Variants in YLPM1 observed in about 807,000 individuals in gnomAD.
YLPM1 encodes the protein YLP motif containing 1.
YLPM1 carries 99 observed loss-of-function variants against 230.0 expected under a neutral mutation model. The observed-to-expected ratio is 0.43, with a 90% CI of 0.37 to 0.51. The LOEUF is 0.51. YLPM1 is among the 20% of genes least tolerant of loss of function. YLPM1 has a pLI of 0.00. For synonymous variants in YLPM1, 984 were observed against 942.5 expected, an observed-to-expected ratio of 1.04 and a Z score of -0.81; for missense variants, 2,592 against 2,707.7, an observed-to-expected ratio of 0.96 and a Z score of 0.95.
intron 6 of YLPM1, among the ~76,000 whole-genome samples, chr14:74,805,704 C>CTT (rs571630763): frequency 7.7e-4 from 103 of 134,554 alleles, no homozygotes; most frequent in South Asian, 5.0e-3. Context: ...AATAAGCATA[C>CTT]TTTTTTTTTT....
chr14:74,798,810 A>G lies in YLPM1; in HGVS notation c.3513A>G (p.Pro1171=). Residue 1171 remains proline, a synonymous_variant, in exon 5 of 21, where the codon CCA becomes CCG. Transcript: ENST00000325680. ...GTCGTGATAGAGGTCCATTCAGACCAGAACCAGGAGATGGTGGGGAAAAAA... is the reference window on the plus strand; with the variant it reads ...GTCGTGATAGAGGTCCATTCAGACCGGAACCAGGAGATGGTGGGGAAAAAA... ...DFGRDRGPFR[P]EPGDGGEKMY... is the part of the protein sequence containing the mutation. 1.2e-6 allele frequency: 2 copies of G among 1,614,006 alleles called. No homozygotes were observed. Among genetic ancestry groups the G allele is most frequent in the South Asian group, 2.2e-5 (2 of 91,086 alleles).
intron 19 of YLPM1, among the ~76,000 whole-genome samples, chr14:74,831,073 A>T (rs59187510): frequency 0.15 from 22,316 of 152,226 alleles, 1,788 homozygotes; most frequent in South Asian, 0.3. Flanking sequence ...GCAGTGCTGT[A>T]ATCAAACTCT....
chr14:74,816,105 T>G, intron 11 of YLPM1, 98 bp from the exon 12 acceptor site: 1 of 1,098,920 alleles, frequency 9.1e-7, no homozygotes, highest in Non-Finnish European at 1.3e-6. Context: ...TGTTGTATAG[T>G]CTATCCTGGA....
chr14:74,825,313 T>A (rs2091553241), intron 18 of YLPM1, among the ~76,000 whole-genome samples: 1 of 152,172 alleles, frequency 6.6e-6, no homozygotes, highest in Non-Finnish European at 1.5e-5. Flanking sequence ...GTAGTTGGTA[T>A]TGACTAGGTT....
chr14:74,830,242 G>T (rs1008793006), intron 19 of YLPM1, among the ~76,000 whole-genome samples: 36 of 152,292 alleles, frequency 2.4e-4, no homozygotes, highest in Admixed American at 2.2e-3. Flanking sequence ...GAATGAATAA[G>T]AAATGATGAA....
chr14:74,804,281 A>G (rs1291808593), intron 6 of YLPM1, among the ~76,000 whole-genome samples: 1 of 152,240 alleles, frequency 6.6e-6, no homozygotes, highest in African/African-American at 2.4e-5. Context: ...CCAGATGGAC[A>G]TTTTAAAACA....
rs1390896015 is a variant in YLPM1 at position 74,836,977 on chromosome 14, T to C, written c.*1239T>C. The C allele has an allele frequency of 6.6e-6, 1 of 152,270 alleles. No homozygotes were observed. Among genetic ancestry groups the C allele is most frequent in the East Asian group, 1.9e-4 (1 of 5,206 alleles). 9.4% of individuals were successfully genotyped at this position (152,270 alleles called of 1,614,324 possible). On this transcript the variant is annotated 3_prime_UTR_variant, in exon 21 of 21. Coordinates refer to ENST00000325680, the MANE Select transcript of YLPM1 (RefSeq NM_019589.3). ...TTCCTCAAGCATAATTTGCATTTTGTAATCCAACTCAGTAATTTGTAAATG... is the reference window on the plus strand; with the variant it reads ...TTCCTCAAGCATAATTTGCATTTTGCAATCCAACTCAGTAATTTGTAAATG...
chr14:74,802,710 G>A, intron 6 of YLPM1, 34 bp downstream of exon 6: 1 of 1,560,264 alleles, frequency 6.4e-7, no homozygotes. Flanking sequence ...AAATGAAATG[G>A]TTTCTACTTT....
At chr14:74,823,765 C>T (rs766529589) in intron 17 of YLPM1, among the ~76,000 whole-genome samples, 14 of 151,990 alleles carry the variant, frequency 9.2e-5, no homozygotes, top group Non-Finnish European at 1.5e-4. Context: ...CAATTCTTTT[C>T]CTTTCTTTTG....
At chr14:74,831,429 C>T (rs910141903) in intron 19 of YLPM1, among the ~76,000 whole-genome samples, 1 of 152,236 alleles carries the variant, frequency 6.6e-6, no homozygotes, top group African/African-American at 2.4e-5. Context: ...CTGGAGCCAA[C>T]AGAGGCAGAA....
At chr14:74,770,069 C>G (rs946278575) in intron 1 of YLPM1, among the ~76,000 whole-genome samples, 20 of 151,680 alleles carry the variant, frequency 1.3e-4, no homozygotes, top group Non-Finnish European at 2.7e-4. Flanking sequence ...GTAGTCCCAA[C>G]TTCTCAGGAA....
At position 74,797,800 on chromosome 14, in the gene YLPM1, C is replaced by T. The variant is rs1298526126; in HGVS notation, c.2503C>T (p.Pro835Ser). ...STSLSPRQSG[P>S]QWKGPKPAFG... ...ATCCCTAAGTCCTCGACAGAGTGGA[C>T]CACAGTGGAAAGGCCCCAAACCAGC... The change falls in exon 5 of 21, where the codon CCA (proline) becomes TCA (serine). Residue 835 changes from proline (P) to serine (S), a missense_variant. By Grantham distance (74) the Pro-to-Ser change is moderately conservative. This residue lies in a region of YLPM1 where 1,862 missense variants were observed against 1,819.8 expected (regional missense o/e 1.02). Coordinates refer to ENST00000325680, the MANE Select transcript of YLPM1 (RefSeq NM_019589.3). 6.2e-7 allele frequency: 1 copy of T among 1,613,900 alleles called. No homozygotes were observed. Among genetic ancestry groups the T allele is most frequent in the Admixed American group, 1.7e-5 (1 of 60,012 alleles).
chr14:74,803,557 G>A (rs1284997205), intron 6 of YLPM1, among the ~76,000 whole-genome samples: 2 of 152,110 alleles, frequency 1.3e-5, no homozygotes, highest in Non-Finnish European at 2.9e-5. Flanking sequence ...TCCCCAGATC[G>A]GATCTCCTGA....
Position 74,781,829 on chromosome 14 carries a change from C to T in YLPM1, c.1786C>T (p.Leu596=), listed in dbSNP as rs751179066. 1.1e-5 allele frequency: 17 copies of T among 1,612,088 alleles called. No homozygotes were observed. The highest frequency in any genetic ancestry group is 1.4e-5 in the Non-Finnish European group (17 of 1,179,096). The change falls in exon 4 of 21, where the codon CTG becomes TTG. Residue 596 remains leucine, a synonymous_variant. Transcript: ENST00000325680. ...ACCACCAGTTCTCCCCCCACCTTCC[C>T]TGTCTTCTGCAGGGCCACCACCAGT... ...GPPPVLPPPS[L]SSAGPPPVLP... is the part of the protein sequence containing the mutation.
rs748932230 is a variant in YLPM1 at position 74,781,781 on chromosome 14, CCTT to C, written c.1741_1743del (p.Ser581del). The C allele has an allele frequency of 3.0e-5, 49 of 1,612,634 alleles. No individual in the cohort carries two copies. Among genetic ancestry groups the C allele is most frequent in the Middle Eastern group, 1.6e-4 (1 of 6,080 alleles). On this transcript the variant is annotated inframe_deletion, in exon 4 of 21. Transcript: ENST00000325680. Reference sequence around the variant, plus strand: ...CTCTGTTCCCCCACCAGGGATGCCTCCTTCTCTCTCTTCTGCAGGGCCACCACC... The same window carrying C: ...CTCTGTTCCCCCACCAGGGATGCCTCCTCTCTCTTCTGCAGGGCCACCACC...
chr14:74,822,066 C>G (rs966880251), intron 17 of YLPM1: 4 of 152,038 alleles, frequency 2.6e-5, no homozygotes, highest in Admixed American at 6.6e-5. Flanking sequence ...GTGTCAACCT[C>G]TACATTCCAA....
At chr14:74,826,029 A>T (rs972492997) in intron 18 of YLPM1, among the ~76,000 whole-genome samples, 6 of 152,246 alleles carry the variant, frequency 3.9e-5, no homozygotes, top group Non-Finnish European at 8.8e-5. Context: ...ATAGTAGACA[A>T]TGAATTCCAG....
At chr14:74,819,681 G>T (rs373471793) in intron 16 of YLPM1, among the ~76,000 whole-genome samples, 3 of 152,026 alleles carry the variant, frequency 2.0e-5, no homozygotes, top group African/African-American at 7.3e-5. Context: ...AATGATTTCC[G>T]TGGCAGTGGA....
chr14:74,780,292 G>A, intron 2 of YLPM1, 113 bp from the exon 3 acceptor site: 1 of 1,318,254 alleles, frequency 7.6e-7, no homozygotes, highest in Non-Finnish European at 1.0e-6. Context: ...TACTGTGTTT[G>A]ACAGTTGGAT....
Sources: gnomAD v4.1 joint callset for allele counts (sites outside exome capture counted in the v4.1 genomes callset) on GRCh38, gnomAD v4.1.1 for gene constraint, gnomAD v4.1.1 regional missense constraint, MANE v1.5 for transcripts, NCBI Gene and HGNC (gene_info 2026-07-23, HGNC 2026-07-21) for gene names.